The following BEST1 variants were observed in gnomAD, a reference collection of about 807,000 sequenced individuals.
The protein encoded by BEST1 is bestrophin-1.
A neutral mutation model predicts 63.3 loss-of-function variants in BEST1; 58 were observed. The ratio of observed to expected loss-of-function variants is 0.92; its 90% CI spans 0.74 to 1.14. The LOEUF (loss-of-function observed/expected upper bound fraction) is 1.14, where lower values mean the gene tolerates loss of function less well. Among genes scored for constraint, BEST1 ranks in the 50% most tolerant of loss-of-function variants. The pLI is 0.00. For synonymous variants in BEST1, 283 were observed against 291.6 expected (o/e 0.97, Z 0.30); for missense variants, 671 against 740.1 (o/e 0.91, Z 1.08).
rs1940694228 is a variant in BEST1 at position 61,951,845 on chromosome 11, C to T, written c.39C>T (p.Arg13=). The part of the protein sequence containing the change: ...ITYTSQVANA[R]LGSFSRLLLC... ...ACACAAGCCAAGTGGCTAATGCCCGCTTAGGCTCCTTCTCCCGCCTGCTGC... is the reference window on the plus strand; with the variant it reads ...ACACAAGCCAAGTGGCTAATGCCCGTTTAGGCTCCTTCTCCCGCCTGCTGC... Residue 13 remains arginine (R), a synonymous_variant, in exon 2 of 11, where the codon CGC becomes CGT. Coordinates refer to ENST00000378043, the MANE Select transcript of BEST1 (RefSeq NM_004183.4). 1.9e-6 allele frequency: 3 copies of T among 1,613,732 alleles called. No individual in the cohort carries two copies. Among genetic ancestry groups the T allele is most frequent in the African/African-American group, 2.7e-5 (2 of 75,060 alleles).
intron 2 of BEST1, among the ~76,000 whole-genome samples, chr11:61,953,950 TA>T (rs1318190979): frequency 9.9e-5 from 15 of 151,900 alleles, no homozygotes; most frequent in Non-Finnish European, 1.9e-4. Context: ...ATCTAAACAA[TA>T]AAATAAAGGA....
rs1591313203 is a variant in BEST1, at chr11:61,962,658, T to C, written c.1504T>C (p.Leu502=). The C allele has an allele frequency of 1.2e-6, 2 of 1,614,016 alleles. No homozygotes were observed. The highest frequency in any genetic ancestry group is 1.7e-5 in the Admixed American group (1 of 59,994). ...VTGIDTKDKS[L]KTVSSGAKKS... is the part of the protein sequence containing the mutation. ...AGGCATAGACACCAAAGACAAAAGCTTAAAGACTGTGAGTTCTGGGGCCAA... is the reference window on the plus strand; with the variant it reads ...AGGCATAGACACCAAAGACAAAAGCCTAAAGACTGTGAGTTCTGGGGCCAA... The change falls in exon 10 of 11, where the codon TTA becomes CTA. Residue 502 remains leucine, a synonymous_variant. Transcript: ENST00000378043.
intron 3 of BEST1, 145 bp from the exon 4 acceptor site, chr11:61,955,573 G>A (rs917831479): frequency 1.9e-6 from 2 of 1,051,776 alleles, no homozygotes; most frequent in Middle Eastern, 3.1e-4. Flanking sequence ...CCTGCCTCTC[G>A]CTCCCGAGCG....
At chr11:61,963,312 T>A (rs1319053370) in intron 10 of BEST1, 1 of 1,354,144 alleles carries the variant, frequency 7.4e-7, no homozygotes, top group Non-Finnish European at 9.4e-7. Flanking sequence ...ACTTCCCCCA[T>A]AACTATTTAG....
At chr11:61,954,379 G>A (rs1941041696) in intron 2 of BEST1, among the ~76,000 whole-genome samples, 1 of 152,164 alleles carries the variant, frequency 6.6e-6, no homozygotes, top group Non-Finnish European at 1.5e-5. Flanking sequence ...AATGTGTAAT[G>A]ATGTCTCCAC....
At chr11:61,956,057 G>T in intron 4 of BEST1, 106 bp downstream of exon 4, 5 of 1,158,352 alleles carry the variant, frequency 4.3e-6, no homozygotes, top group Non-Finnish European at 6.0e-6. Flanking sequence ...GGACTCGGGG[G>T]ATTGGGTGGA....
intron 2 of BEST1, among the ~76,000 whole-genome samples, chr11:61,952,301 AAAAGAGAGAG>A (rs779665435): frequency 3.3e-5 from 2 of 61,000 alleles, no homozygotes; most frequent in Non-Finnish European, 6.0e-5. Context: ...AGTACATTAA[AAAAGAGAGAG>A]AGAGAGAGAG....
chr11:61,958,532 C>A, intron 7 of BEST1: 2 of 1,057,634 alleles, frequency 1.9e-6, no homozygotes, highest in Non-Finnish European at 2.8e-6. Flanking sequence ...TGCACTCCAG[C>A]CTGGGCAAAA....
At chr11:61,954,477 C>CA (rs1460145393) in intron 2 of BEST1, among the ~76,000 whole-genome samples, 1 of 152,116 alleles carries the variant, frequency 6.6e-6, no homozygotes, top group East Asian at 1.9e-4. Context: ...CACTCTGTTT[C>CA]TTTTTTTCTT....
Position 61,956,932 on chromosome 11 carries a change from C to T in BEST1, c.570C>T (p.Asn190=). The T allele has an allele frequency of 1.2e-6, 2 of 1,614,146 alleles. No homozygotes were observed. Among genetic ancestry groups the T allele is most frequent in the South Asian group, 1.1e-5 (1 of 91,084 alleles). The change falls in exon 5 of 11, where the codon AAC becomes AAT. Residue 190 remains asparagine, a synonymous_variant. Transcript: ENST00000378043. ...GGGTGCCCTGGGTGTGGTTTGCCAA[C>T]CTGTCAATGAAGGCGTGGCTTGGAG... ...MFWVPWVWFA[N]LSMKAWLGGR...
At chr11:61,963,188 G>T in intron 10 of BEST1, 1 of 1,435,488 alleles carries the variant, frequency 7.0e-7, no homozygotes. Flanking sequence ...AACTGCCCCA[G>T]GGCTGACAGG....
chr11:61,964,894 G>T, downstream of BEST1: 1 of 1,610,266 alleles, frequency 6.2e-7, no homozygotes. Context: ...TCACACAACT[G>T]CAAAACAATG....
Position 61,962,306 on chromosome 11 carries a change from T to C in BEST1, c.1152T>C (p.Asp384=), listed in dbSNP as rs1942148865. Residue 384 remains aspartate (D), a synonymous_variant, in exon 10 of 11, where the codon GAT becomes GAC. Transcript: ENST00000378043. The stretch of plus-strand genomic sequence containing the variant: ...AGCCCAATCAGGAGGACGAGGAGGA[T>C]GCTCACGCTGGCATCATTGGCCGCT... ...EFQPNQEDEE[D]AHAGIIGRFL... The C allele has an allele frequency of 2.5e-6, 4 of 1,614,168 alleles. No homozygotes were observed. The highest frequency in any genetic ancestry group is 1.3e-5 in the African/African-American group (1 of 75,044).
rs1942372062 is a variant in BEST1, at chr11:61,964,253, G to A, written c.*131G>A. 6.5e-7 allele frequency: 1 copy of A among 1,533,164 alleles called. No homozygotes were observed. The highest frequency in any genetic ancestry group is 2.3e-5 in the East Asian group (1 of 42,608). The allele number at this position is 1,533,164 out of a possible 1,614,324, so 95.0% of individuals were successfully genotyped here. ...TGTCCTACAACAGCCTGAATCAAAT[G>A]GTTAGCTTAATAGATAAAAATCCCA... On this transcript the variant is annotated 3_prime_UTR_variant, in exon 11 of 11. Coordinates refer to ENST00000378043, the MANE Select transcript of BEST1 (RefSeq NM_004183.4).
chr11:61,965,219 A>G, downstream of BEST1: 1 of 1,594,460 alleles, frequency 6.3e-7, no homozygotes, highest in Non-Finnish European at 8.5e-7. Context: ...TATTTGCCTA[A>G]TTTAGTTTAG....
chr11:61,965,069 T>G, downstream of BEST1: 1 of 1,609,692 alleles, frequency 6.2e-7, no homozygotes, highest in African/African-American at 1.3e-5. Context: ...TAATGCACAC[T>G]CCATTGCATT....
chr11:61,961,147 A>T (rs1942029508), intron 9 of BEST1: 1 of 151,912 alleles, frequency 6.6e-6, no homozygotes, highest in South Asian at 2.1e-4. Flanking sequence ...CCTCCTGAGT[A>T]GCTGGGATTA....
At position 61,964,411 on chromosome 11, in the gene BEST1, ACC is replaced by A; in HGVS notation, c.*290_*291del. On this transcript the variant is annotated 3_prime_UTR_variant, in exon 11 of 11. Coordinates refer to ENST00000378043, the MANE Select transcript of BEST1 (RefSeq NM_004183.4). ...TTCTATCTGAATCCAAGACAGCCACACCTTAGTATACTGCCCAAACTAATGAG... is the reference window on the plus strand; with the variant it reads ...TTCTATCTGAATCCAAGACAGCCACATTAGTATACTGCCCAAACTAATGAG... 1.6e-6 allele frequency: 1 copy of A among 624,472 alleles called. No individual in the cohort carries two copies. Among genetic ancestry groups the A allele is most frequent in the Non-Finnish European group, 2.8e-6 (1 of 362,602 alleles). 38.7% of individuals were successfully genotyped at this position (624,472 alleles called of 1,614,324 possible). A position where few individuals can be genotyped will look rare whatever the true frequency, so the allele number is the denominator to read the frequency against.
intron 7 of BEST1, 21 bp downstream of exon 7, chr11:61,958,319 G>T (rs777602198): frequency 3.1e-6 from 5 of 1,614,074 alleles, no homozygotes; most frequent in Non-Finnish European, 4.2e-6. Flanking sequence ...CCAGGGCCCT[G>T]CTGGGCTGGA....
Sources: gnomAD v4.1 joint callset for allele counts (sites outside exome capture counted in the v4.1 genomes callset) on GRCh38, gnomAD v4.1.1 for gene constraint, MANE v1.5 for transcripts, NCBI Gene and HGNC (gene_info 2026-07-23, HGNC 2026-07-21) for gene names.